GLE1: variants seen among roughly 807,000 people sequenced by gnomAD.
The protein encoded by GLE1 is mRNA export factor GLE1.
A neutral mutation model predicts 97.3 loss-of-function variants in GLE1; 78 were observed. That is an observed-to-expected ratio of 0.80 (90% CI 0.67 to 0.97). The LOEUF (loss-of-function observed/expected upper bound fraction) is 0.97. Ranked by LOEUF, GLE1 falls within the 50% of genes least tolerant of loss-of-function variation. The pLI is 0.00. For synonymous variants in GLE1, 302 were observed against 313.4 expected, an observed-to-expected ratio of 0.96 and a Z score of 0.39; for missense variants, 753 against 857.5, an observed-to-expected ratio of 0.88 and a Z score of 1.52.
chr9:128,514,775 G>T (rs1200336147), intron 2 of GLE1, among the ~76,000 whole-genome samples: 2 of 152,088 alleles, frequency 1.3e-5, no homozygotes, highest in Non-Finnish European at 2.9e-5. Flanking sequence ...TCCTGACCTT[G>T]TAATCCGCCC....
At chr9:128,518,427 G>C (rs957334786) in intron 3 of GLE1, among the ~76,000 whole-genome samples, 1 of 151,874 alleles carries the variant, frequency 6.6e-6, no homozygotes, top group Admixed American at 6.6e-5. Flanking sequence ...CAGGCATAGT[G>C]GTGCACGCCT....
chr9:128,529,411 TC>T (rs1481943621), intron 9 of GLE1, among the ~76,000 whole-genome samples: 1 of 152,184 alleles, frequency 6.6e-6, no homozygotes, highest in Non-Finnish European at 1.5e-5. Context: ...TCCCTTTCCT[TC>T]CTGTCTCCTG....
At position 128,527,343 on chromosome 9, in the gene GLE1, A is replaced by G. The variant is rs1847331801; in HGVS notation, c.1242+52A>G. 1.0e-5 allele frequency: 13 copies of G among 1,297,734 alleles called. No individual in the cohort carries two copies. In the East Asian group the frequency reaches 2.8e-4, roughly 28 times the overall value. 80.4% of individuals were successfully genotyped at this position (1,297,734 alleles called of 1,614,324 possible). A position where few individuals can be genotyped will look rare whatever the true frequency, so the allele number is the denominator to read the frequency against. On this transcript the variant is annotated intron_variant, in intron 8 of 15. Transcript: ENST00000309971. ...TTTGTGGACTTGATGGTTCTCAGAG[A>G]ATGATCACTTCGTGTCCCAAAGGAA...
At chr9:128,534,939 G>A (rs1277542488) in intron 11 of GLE1, among the ~76,000 whole-genome samples, 3 of 151,654 alleles carry the variant, frequency 2.0e-5, no homozygotes, top group East Asian at 1.9e-4. Flanking sequence ...GGATGGTCTC[G>A]ATCTCTTGAC....
chr9:128,532,209 C>CT lies in GLE1; in HGVS notation c.1313-1277dup, dbSNP rs1160924908. Reference sequence around the variant, plus strand: ...TGGAAAGTAATTCAGATCTGCTTTGCTTTTTTTTTTTTTTTTTTTTTTTTT... The same window carrying CT: ...TGGAAAGTAATTCAGATCTGCTTTGCTTTTTTTTTTTTTTTTTTTTTTTTTT... On this transcript the variant is annotated intron_variant, in intron 9 of 15. Transcript: ENST00000309971. 8.1e-5 allele frequency among the ~76,000 whole-genome samples: 4 copies of CT among 49,358 alleles called. 1 individual carries two copies. The highest frequency in any genetic ancestry group is 3.1e-4 in the African/African-American group (4 of 12,912). 32.4% of individuals were successfully genotyped at this position (49,358 alleles called of 152,430 possible).
intron 3 of GLE1, among the ~76,000 whole-genome samples, chr9:128,522,437 A>T (rs978895619): frequency 6.6e-6 from 1 of 152,112 alleles, no homozygotes; most frequent in Non-Finnish European, 1.5e-5. Flanking sequence ...CAGGCGGATC[A>T]CAAGGTCAAG....
At chr9:128,524,025 GTTTCT>G (rs2132460429) in intron 6 of GLE1, among the ~76,000 whole-genome samples, 179 bp downstream of exon 6, 1 of 136,074 alleles carries the variant, frequency 7.3e-6, no homozygotes, top group South Asian at 2.3e-4. Flanking sequence ...ATTTTATTTT[GTTTCT>G]TTTATTTATT....
chr9:128,525,819 G>A (rs1263629684), intron 7 of GLE1, among the ~76,000 whole-genome samples: 3 of 151,916 alleles, frequency 2.0e-5, no homozygotes, highest in Admixed American at 2.0e-4. Flanking sequence ...CCAGCTACTC[G>A]GGAGGCTAAG....
intron 1 of GLE1, among the ~76,000 whole-genome samples, chr9:128,507,195 T>C (rs926451827): frequency 2.0e-5 from 3 of 152,212 alleles, no homozygotes; most frequent in African/African-American, 7.2e-5. Context: ...TATCTATTTC[T>C]ATTTTTTAAA....
intron 9 of GLE1, among the ~76,000 whole-genome samples, chr9:128,529,850 C>T (rs776031841): frequency 3.3e-5 from 5 of 152,016 alleles, no homozygotes; most frequent in Non-Finnish European, 7.4e-5. Flanking sequence ...TATATCGGCT[C>T]AGTGCAAGCT....
At chr9:128,523,883 G>A (rs370507102) in intron 6 of GLE1, 37 bp downstream of exon 6, 2 of 1,609,944 alleles carry the variant, frequency 1.2e-6, no homozygotes, top group Non-Finnish European at 1.7e-6. Context: ...TGCTGTCTTT[G>A]AAATGGAAGC....
Position 128,523,690 on chromosome 9 carries a change from C to T in GLE1, c.741C>T (p.Ala247=), listed in dbSNP as rs1243009818. The change falls in exon 6 of 16, where the codon GCC becomes GCT. Residue 247 remains alanine, a synonymous_variant. Coordinates refer to ENST00000309971, the MANE Select transcript of GLE1 (RefSeq NM_001003722.2). ...RKEEGQIRLR[A]LYALQEEMLQ... ...AAGAAGGCCAGATCCGCCTGCGGGC[C>T]CTCTATGCTCTGCAGGAGGAGATGC... 23 of 1,614,052 alleles carry T rather than the reference C, an allele frequency of 1.4e-5. No individual in the cohort carries two copies. The South Asian group carries it at 1.9e-4, about 13-fold the overall frequency.
At position 128,528,494 on chromosome 9, in the gene GLE1, G is replaced by A. The variant is rs575405191; in HGVS notation, c.1312+969G>A. On this transcript the variant is annotated intron_variant, in intron 9 of 15. Coordinates refer to ENST00000309971, the MANE Select transcript of GLE1 (RefSeq NM_001003722.2). ...AATTTTTTGTATTTTTAGTAGACAC[G>A]GGGTTTCACCGTGTTAACCAGGATG... 2.9e-3 allele frequency among the ~76,000 whole-genome samples: 446 copies of A among 151,836 alleles called. 2 individuals are homozygous for A. Among genetic ancestry groups the A allele is most frequent in the African/African-American group, 9.0e-3 (371 of 41,360 alleles).
intron 3 of GLE1, among the ~76,000 whole-genome samples, chr9:128,517,688 T>C (rs1847027159): frequency 6.6e-6 from 1 of 152,222 alleles, no homozygotes; most frequent in African/African-American, 2.4e-5. Flanking sequence ...TATTCTTTCT[T>C]TCATTTTCCT....
At chr9:128,518,482 A>T (rs138265505) in intron 3 of GLE1, among the ~76,000 whole-genome samples, 21 of 152,104 alleles carry the variant, frequency 1.4e-4, no homozygotes, top group African/African-American at 4.8e-4. Flanking sequence ...AATCACTCGA[A>T]CCTGGGAGGT....
chr9:128,536,466 A>G lies in GLE1; in HGVS notation c.1758A>G (p.Pro586=). The change falls in exon 12 of 16, where the codon CCA becomes CCG. Residue 586 remains proline (P), a synonymous_variant. Coordinates refer to ENST00000309971, the MANE Select transcript of GLE1 (RefSeq NM_001003722.2). ...LYAAIIQLRW[P]YGNRQEIHPH... is the part of the protein sequence containing the mutation. ...CTGCTATCATCCAGCTCCGGTGGCC[A>G]TATGGAAACCGACAGGAGGTAGGTA... The G allele has an allele frequency of 3.1e-6, 5 of 1,613,954 alleles. No homozygotes were observed. The highest frequency in any genetic ancestry group is 4.2e-6 in the Non-Finnish European group (5 of 1,179,852).
intron 9 of GLE1, among the ~76,000 whole-genome samples, chr9:128,530,626 T>C (rs1462531805): frequency 6.6e-6 from 1 of 152,010 alleles, no homozygotes; most frequent in African/African-American, 2.4e-5. Context: ...TTTAAAAAGG[T>C]GGGCCGGGCG....
At chr9:128,531,831 CAAAA>C (rs1206684667) in intron 9 of GLE1, among the ~76,000 whole-genome samples, 2 of 51,858 alleles carry the variant, frequency 3.9e-5, no homozygotes. Context: ...GACTCCAGCT[CAAAA>C]AAAAAAAAAA....
At chr9:128,535,108 C>T (rs775059286) in intron 11 of GLE1, among the ~76,000 whole-genome samples, 10 of 152,246 alleles carry the variant, frequency 6.6e-5, no homozygotes, top group Non-Finnish European at 1.0e-4. Flanking sequence ...TGCAGTGCCT[C>T]ATGCCTGTAA....
Sources: gnomAD v4.1 joint callset for allele counts (sites outside exome capture counted in the v4.1 genomes callset) on GRCh38, gnomAD v4.1.1 for gene constraint, MANE v1.5 for transcripts, NCBI Gene and HGNC (gene_info 2026-07-23, HGNC 2026-07-21) for gene names.